MAGI3: variants seen among roughly 807,000 people sequenced by gnomAD.
MAGI3 encodes membrane associated guanylate kinase, WW and PDZ domain containing 3.
Under a neutral mutation model 121.8 loss-of-function variants are expected in MAGI3, and 43 were observed. The ratio of observed to expected loss-of-function variants is 0.35; its 90% CI spans 0.28 to 0.46. MAGI3 has a LOEUF of 0.46. Among genes scored for constraint, MAGI3 ranks in the 20% least tolerant of loss-of-function variants. The pLI is 1.00. For synonymous variants in MAGI3, 553 were observed against 639.3 expected (o/e 0.86, Z 2.04); for missense variants, 1,547 against 1,797.3 (o/e 0.86, Z 2.52).
intron 1 of MAGI3, among the ~76,000 whole-genome samples, chr1:113,512,038 C>A (rs1657641357): frequency 6.6e-6 from 1 of 152,094 alleles, no homozygotes; most frequent in Non-Finnish European, 1.5e-5. Flanking sequence ...TCATTTAGTT[C>A]TTTAAGGGGG....
At chr1:113,477,085 C>A (rs558371182) in intron 1 of MAGI3, among the ~76,000 whole-genome samples, 6 of 150,316 alleles carry the variant, frequency 4.0e-5, no homozygotes, top group African/African-American at 1.5e-4. Context: ...CTTGATAGAT[C>A]TTCCTCCATC....
Position 113,684,113 on chromosome 1 carries a change from GA to G in MAGI3, c.*100del, listed in dbSNP as rs1221075333. Reference sequence around the variant, plus strand: ...TTTTTTTTTCAGATATTCTGAAACAGATAAGTACATGTTAATGTGAGCCTCA... The same window carrying G: ...TTTTTTTTTCAGATATTCTGAAACAGTAAGTACATGTTAATGTGAGCCTCA... On this transcript the variant is annotated 3_prime_UTR_variant, in exon 21 of 21. Transcript: ENST00000307546. 1.3e-4 allele frequency: 173 copies of G among 1,305,430 alleles called. No individual in the cohort carries two copies. The highest frequency in any genetic ancestry group is 1.7e-4 in the Non-Finnish European group (168 of 977,312). The allele number at this position is 1,305,430 out of a possible 1,614,324, so 80.9% of individuals were successfully genotyped here. A position where few individuals can be genotyped will look rare whatever the true frequency, so the allele number is the denominator to read the frequency against.
At chr1:113,628,627 T>C (rs548393993) in intron 9 of MAGI3, among the ~76,000 whole-genome samples, 1 of 152,334 alleles carries the variant, frequency 6.6e-6, no homozygotes, top group Admixed American at 6.5e-5. Flanking sequence ...CCCTTAGCTT[T>C]TGTTGTCTGG....
intron 1 of MAGI3, among the ~76,000 whole-genome samples, chr1:113,493,375 A>G (rs1034108155): frequency 6.6e-6 from 1 of 152,212 alleles, no homozygotes; most frequent in African/African-American, 2.4e-5. Context: ...CTTACACCAC[A>G]TAAAAAATTA....
At chr1:113,550,810 G>A (rs1570845247) in intron 2 of MAGI3, among the ~76,000 whole-genome samples, 1 of 150,168 alleles carries the variant, frequency 6.7e-6, no homozygotes, top group Non-Finnish European at 1.5e-5. Context: ...TTTACATGTT[G>A]TTAACTAGAT....
intron 10 of MAGI3, 91 bp downstream of exon 10, chr1:113,642,607 C>A: frequency 7.2e-7 from 1 of 1,384,186 alleles, no homozygotes; most frequent in South Asian, 1.4e-5. Flanking sequence ...TGTGTTTTCC[C>A]AGCAGACTTA....
chr1:113,459,658 A>G lies in MAGI3; in HGVS notation c.316+68309A>G, dbSNP rs188460682. ...TAACTGTGAAATATCTTTCTTTGTCAGTTTTCTTCTCTTTGCCATTATGGG... is the reference window on the plus strand; with the variant it reads ...TAACTGTGAAATATCTTTCTTTGTCGGTTTTCTTCTCTTTGCCATTATGGG... On this transcript the variant is annotated intron_variant, in intron 1 of 20. Transcript: ENST00000307546. Among the ~76,000 whole-genome samples, 3 of 152,228 alleles carry G rather than the reference A, an allele frequency of 2.0e-5. No homozygotes were observed. In the East Asian group the frequency reaches 5.8e-4, roughly 29 times the overall value.
At chr1:113,682,174 T>TC in intron 20 of MAGI3, 2 of 1,572,894 alleles carry the variant, frequency 1.3e-6, no homozygotes, top group Non-Finnish European at 8.6e-7. Context: ...TTTTTTTTTT[T>TC]TTCACATAGT....
chr1:113,481,495 G>A (rs748773885), intron 1 of MAGI3, among the ~76,000 whole-genome samples: 2 of 152,014 alleles, frequency 1.3e-5, no homozygotes, highest in Non-Finnish European at 2.9e-5. Context: ...GAACTAATTA[G>A]GGTTGTAGAT....
intron 19 of MAGI3, among the ~76,000 whole-genome samples, chr1:113,678,833 G>C (rs1356185745): frequency 6.6e-6 from 1 of 152,180 alleles, no homozygotes; most frequent in Non-Finnish European, 1.5e-5. Flanking sequence ...GTGCCATGCT[G>C]TATCTGTAGA....
rs1299939935 is a variant in MAGI3, at chr1:113,685,190, G to GCTTAA, written c.*1180_*1184dup. 1.3e-5 allele frequency: 2 copies of GCTTAA among 152,328 alleles called. No homozygotes were observed. Among genetic ancestry groups the GCTTAA allele is most frequent in the Non-Finnish European group, 2.9e-5 (2 of 68,018 alleles). 9.4% of individuals were successfully genotyped at this position (152,328 alleles called of 1,614,324 possible). A position where few individuals can be genotyped will look rare whatever the true frequency, so the allele number is the denominator to read the frequency against. On this transcript the variant is annotated 3_prime_UTR_variant, in exon 21 of 21. Coordinates refer to ENST00000307546, the MANE Select transcript of MAGI3 (RefSeq NM_001142782.2). ...AACAAGAAAGGGAGACTAAACATCT[G>GCTTAA]CTTAACTTGTACACATTTTCAGAAT...
intron 18 of MAGI3, 57 bp downstream of exon 18, chr1:113,672,798 A>G: frequency 6.5e-7 from 1 of 1,547,106 alleles, no homozygotes; most frequent in Non-Finnish European, 8.7e-7. Flanking sequence ...TACCACTGGC[A>G]TTGGTGAATT....
intron 15 of MAGI3, among the ~76,000 whole-genome samples, chr1:113,656,022 T>A (rs1303691125): frequency 6.6e-6 from 1 of 152,164 alleles, no homozygotes; most frequent in Non-Finnish European, 1.5e-5. Flanking sequence ...AATTAAAATG[T>A]AAGATTGAGG....
intron 1 of MAGI3, among the ~76,000 whole-genome samples, chr1:113,528,818 A>G (rs1348640722): frequency 6.6e-6 from 1 of 152,218 alleles, no homozygotes; most frequent in East Asian, 1.9e-4. Flanking sequence ...TGTTAATACT[A>G]TAAGCATAAT....
Position 113,496,842 on chromosome 1 carries a change from A to G in MAGI3, c.317-52673A>G, listed in dbSNP as rs141934620. On this transcript the variant is annotated intron_variant, in intron 1 of 20. Coordinates refer to ENST00000307546, the MANE Select transcript of MAGI3 (RefSeq NM_001142782.2). ...TATACATTTTTTTAAAGTAATTGTT[A>G]TCTAGGCCACATTAGCCTTCAAGCT... Among the ~76,000 whole-genome samples, 1,401 of 152,360 alleles carry G rather than the reference A, an allele frequency of 9.2e-3. 14 individuals carry two copies. Among genetic ancestry groups the G allele is most frequent in the Middle Eastern group, 0.017 (5 of 294 alleles).
rs1478564304 is a variant in MAGI3 at position 113,683,604 on chromosome 1, T to C, written c.4036T>C (p.Leu1346=). ...CAGGAAAGATGCAAAGCAGAATCAGTTGGAAAAAAGCAGAACAAGGTCTCC... is the reference window on the plus strand; with the variant it reads ...CAGGAAAGATGCAAAGCAGAATCAGCTGGAAAAAAGCAGAACAAGGTCTCC... ...VIRKDAKQNQ[L]EKSRTRSPEK... is the part of the protein sequence containing the mutation. The change falls in exon 21 of 21, where the codon TTG becomes CTG. Residue 1346 remains leucine, a synonymous_variant. Transcript: ENST00000307546. 2.5e-6 allele frequency: 4 copies of C among 1,613,412 alleles called. No individual in the cohort carries two copies. The highest frequency in any genetic ancestry group is 3.4e-6 in the Non-Finnish European group (4 of 1,179,784).
chr1:113,579,108 A>G (rs924705833), intron 2 of MAGI3, among the ~76,000 whole-genome samples: 32 of 152,226 alleles, frequency 2.1e-4, no homozygotes, highest in Admixed American at 2.1e-3. Context: ...TTACAATTTC[A>G]CTTAATTTAT....
chr1:113,566,156 T>A (rs1408112441), intron 2 of MAGI3, among the ~76,000 whole-genome samples: 1 of 152,174 alleles, frequency 6.6e-6, no homozygotes, highest in Non-Finnish European at 1.5e-5. Context: ...TGCAAAGACA[T>A]CTACTTTGGA....
chr1:113,623,591 C>T (rs1438171417), intron 9 of MAGI3, among the ~76,000 whole-genome samples: 1 of 151,732 alleles, frequency 6.6e-6, no homozygotes, highest in Non-Finnish European at 1.5e-5. Flanking sequence ...GGGTTCACGC[C>T]ATTCTCCTGC....
Sources: gnomAD v4.1 joint callset for allele counts (sites outside exome capture counted in the v4.1 genomes callset) on GRCh38, gnomAD v4.1.1 for gene constraint, MANE v1.5 for transcripts, NCBI Gene and HGNC (gene_info 2026-07-23, HGNC 2026-07-21) for gene names.